Variants in FNDC3A observed in about 807,000 individuals in gnomAD.
FNDC3A encodes fibronectin type-III domain-containing protein 3A.
In FNDC3A, 32 loss-of-function variants were observed where a neutral mutation model predicts 148.9. The observed-to-expected ratio is 0.21, with a 90% CI of 0.16 to 0.29. The LOEUF (loss-of-function observed/expected upper bound fraction) is 0.29, where lower values mean the gene tolerates loss of function less well. Ranked by LOEUF, FNDC3A falls within the 10% of genes least tolerant of loss-of-function variation. The pLI is 1.00. For synonymous variants in FNDC3A, 472 were observed against 473.6 expected (o/e 1.00, Z 0.04); for missense variants, 1,191 against 1,452.8 (o/e 0.82, Z 2.93).
At chr13:49,164,040 C>T (rs1884317342) in intron 8 of FNDC3A, among the ~76,000 whole-genome samples, 1 of 152,166 alleles carries the variant, frequency 6.6e-6, no homozygotes, top group South Asian at 2.1e-4. Flanking sequence ...GTGTAAGACT[C>T]CCTCAAGCAT....
At chr13:49,185,788 A>T (rs1427807844) in intron 14 of FNDC3A, among the ~76,000 whole-genome samples, 176 bp from the exon 15 acceptor site, 2 of 152,226 alleles carry the variant, frequency 1.3e-5, no homozygotes, top group Non-Finnish European at 2.9e-5. Context: ...CATACTCTTC[A>T]TATATGCCAA....
chr13:49,145,144 C>T (rs184311135), intron 7 of FNDC3A, among the ~76,000 whole-genome samples: 1 of 152,056 alleles, frequency 6.6e-6, no homozygotes, highest in Non-Finnish European at 1.5e-5. Context: ...ATTTCTGAAT[C>T]AAAAAGTAAA....
chr13:49,068,906 G>A (rs1038130723), intron 2 of FNDC3A, among the ~76,000 whole-genome samples: 4 of 152,188 alleles, frequency 2.6e-5, no homozygotes, highest in Admixed American at 2.6e-4. Context: ...TTACCTGAAG[G>A]TGGAGGGTGG....
intron 14 of FNDC3A, among the ~76,000 whole-genome samples, chr13:49,182,439 C>T (rs567256318): frequency 3.7e-3 from 566 of 152,200 alleles, no homozygotes; most frequent in Non-Finnish European, 6.8e-3. Flanking sequence ...CGATCAAAGC[C>T]TTCAGAGCCG....
chr13:49,181,045 C>T (rs1885275796), intron 14 of FNDC3A, among the ~76,000 whole-genome samples: 1 of 152,188 alleles, frequency 6.6e-6, no homozygotes, highest in Admixed American at 6.5e-5. Context: ...CGTGTCACTG[C>T]ACTCCAGCCT....
chr13:49,119,552 AGCAT>A (rs1881196480), intron 4 of FNDC3A, among the ~76,000 whole-genome samples: 1 of 152,060 alleles, frequency 6.6e-6, no homozygotes, highest in Admixed American at 6.5e-5. Context: ...GAGCTAAAGG[AGCAT>A]GTTCTAACCC....
intron 24 of FNDC3A, among the ~76,000 whole-genome samples, chr13:49,202,524 T>G (rs1407997120): frequency 2.0e-5 from 3 of 152,226 alleles, no homozygotes; most frequent in Admixed American, 1.3e-4. Context: ...GAAAAGTCTA[T>G]AAAGTTAATT....
At position 48,999,787 on chromosome 13, in the gene FNDC3A, G is replaced by A. The variant is rs531107827; in HGVS notation, c.-39-6365G>A. 1.1e-4 allele frequency among the ~76,000 whole-genome samples: 16 copies of A among 152,280 alleles called. No homozygotes were observed. The East Asian group carries it at 2.7e-3, about 26-fold the overall frequency. On this transcript the variant is annotated intron_variant, in intron 1 of 25. Coordinates refer to ENST00000492622, the MANE Select transcript of FNDC3A (RefSeq NM_001079673.2). Reference sequence around the variant, plus strand: ...TGATTAGTGTTCATATATAAGAAGAGTAAGAGACACAGAGCATCCTCTCTC... The same window carrying A: ...TGATTAGTGTTCATATATAAGAAGAATAAGAGACACAGAGCATCCTCTCTC...
At chr13:49,123,209 C>T (rs559688745) in intron 4 of FNDC3A, among the ~76,000 whole-genome samples, 10 of 152,274 alleles carry the variant, frequency 6.6e-5, no homozygotes, top group African/African-American at 2.4e-4. Flanking sequence ...CTACAACCAT[C>T]TCATCTTTGA....
At chr13:49,077,146 C>T (rs908223948) in intron 3 of FNDC3A, among the ~76,000 whole-genome samples, 15 of 152,138 alleles carry the variant, frequency 9.9e-5, no homozygotes, top group East Asian at 1.9e-4. Flanking sequence ...TAGTGGCGCA[C>T]GCCTGCTGTC....
chr13:49,117,291 G>A (rs1447337858), intron 4 of FNDC3A, among the ~76,000 whole-genome samples: 1 of 152,074 alleles, frequency 6.6e-6, no homozygotes. Flanking sequence ...GACATTTAAG[G>A]CTTTACACGG....
At chr13:49,089,206 C>T (rs989188682) in intron 3 of FNDC3A, among the ~76,000 whole-genome samples, 2 of 152,104 alleles carry the variant, frequency 1.3e-5, no homozygotes, top group African/African-American at 4.8e-5. Flanking sequence ...TATTTTACCA[C>T]AATTTAAAAA....
At chr13:48,975,377 C>T (rs1048195183), upstream of FNDC3A, 6 of 152,228 alleles carry the variant, frequency 3.9e-5, no homozygotes, top group African/African-American at 9.7e-5. Flanking sequence ...AGCCACCCCC[C>T]ACGTTTTCAA....
intron 7 of FNDC3A, among the ~76,000 whole-genome samples, chr13:49,144,312 T>C (rs1882870567): frequency 6.6e-6 from 1 of 152,098 alleles, no homozygotes; most frequent in African/African-American, 2.4e-5. Context: ...TTTAAGACAG[T>C]ATTAGAGTGA....
At chr13:49,020,631 C>A (rs1873251949) in intron 2 of FNDC3A, among the ~76,000 whole-genome samples, 1 of 152,178 alleles carries the variant, frequency 6.6e-6, no homozygotes, top group Non-Finnish European at 1.5e-5. Flanking sequence ...TTTTATGGAC[C>A]AACACAAGGC....
chr13:49,166,920 A>G (rs905993267), intron 8 of FNDC3A, among the ~76,000 whole-genome samples: 1 of 152,202 alleles, frequency 6.6e-6, no homozygotes, highest in Non-Finnish European at 1.5e-5. Flanking sequence ...AACTGTGCAA[A>G]ATGGATTTTT....
At chr13:49,155,440 A>G (rs1437942657) in intron 8 of FNDC3A, among the ~76,000 whole-genome samples, 17 of 145,514 alleles carry the variant, frequency 1.2e-4, no homozygotes, top group Admixed American at 5.5e-4. Context: ...CTAGCGGTCT[A>G]TCTATTTTGT....
intron 4 of FNDC3A, among the ~76,000 whole-genome samples, chr13:49,126,558 T>C (rs1881712588): frequency 6.6e-6 from 1 of 152,164 alleles, no homozygotes; most frequent in African/African-American, 2.4e-5. Flanking sequence ...TTTAATCAAA[T>C]AAATATCTTG....
intron 5 of FNDC3A, among the ~76,000 whole-genome samples, chr13:49,132,637 G>A (rs1882102762): frequency 6.6e-6 from 1 of 152,238 alleles, no homozygotes; most frequent in African/African-American, 2.4e-5. Context: ...CTCTTGCAAT[G>A]TTCTGCCCTG....
Sources: gnomAD v4.1 joint callset for allele counts (sites outside exome capture counted in the v4.1 genomes callset) on GRCh38, gnomAD v4.1.1 for gene constraint, MANE v1.5 for transcripts, NCBI Gene and HGNC (gene_info 2026-07-23, HGNC 2026-07-21) for gene names.